The following GPC6 variants were observed in gnomAD, a reference collection of about 807,000 sequenced individuals.
GPC6 encodes the protein glypican 6, also known as glypican-6.
A neutral mutation model predicts 55.2 loss-of-function variants in GPC6; 14 were observed. That is an observed-to-expected ratio of 0.25 (90% CI 0.17 to 0.40). The LOEUF is 0.40. Ranked by LOEUF, GPC6 falls within the 10% of genes least tolerant of loss-of-function variation. The probability of loss-of-function intolerance (pLI) is 1.00; values close to 1 mark genes in which losing one functional copy is unlikely to be tolerated. For synonymous variants in GPC6, 278 were observed against 259.6 expected (o/e 1.07, Z -0.68); for missense variants, 641 against 708.5 (o/e 0.90, Z 1.08).
intron 6 of GPC6, among the ~76,000 whole-genome samples, chr13:94,359,242 A>G (rs1240957054): frequency 2.0e-5 from 3 of 152,218 alleles, no homozygotes; most frequent in African/African-American, 4.8e-5. Flanking sequence ...CCACATAGGA[A>G]ATAATTTGAA....
chr13:93,807,053 A>G (rs1467673558), intron 2 of GPC6, among the ~76,000 whole-genome samples: 2 of 152,216 alleles, frequency 1.3e-5, no homozygotes, highest in Non-Finnish European at 2.9e-5. Context: ...AAATGAAACC[A>G]TAAAACTGAC....
Position 93,340,026 on chromosome 13 carries a change from C to CTTTT in GPC6, c.160+112434_160+112437dup, listed in dbSNP as rs10714044. 1.3e-3 allele frequency among the ~76,000 whole-genome samples: 105 copies of CTTTT among 81,624 alleles called. 4 individuals are homozygous for CTTTT. Among genetic ancestry groups the CTTTT allele is most frequent in the Non-Finnish European group, 1.6e-3 (73 of 46,102 alleles). The allele number at this position is 81,624 out of a possible 152,430, so 53.5% of individuals were successfully genotyped here. A position where few individuals can be genotyped will look rare whatever the true frequency, so the allele number is the denominator to read the frequency against. Reference sequence around the variant, plus strand: ...AAAAACAAAAACAAAAGTTTTCTTTCTTTTTTTTTTTTTTTTTTTTTTTTT... The same window carrying CTTTT: ...AAAAACAAAAACAAAAGTTTTCTTTCTTTTTTTTTTTTTTTTTTTTTTTTTTTTT... On this transcript the variant is annotated intron_variant, in intron 1 of 8. Transcript: ENST00000377047.
chr13:93,928,445 T>C (rs531367534), intron 3 of GPC6, among the ~76,000 whole-genome samples: 1 of 152,276 alleles, frequency 6.6e-6, no homozygotes, highest in South Asian at 2.1e-4. Context: ...AATGGCAACA[T>C]AATACAATAT....
chr13:94,046,738 T>C (rs1475835971), intron 4 of GPC6, among the ~76,000 whole-genome samples: 1 of 152,134 alleles, frequency 6.6e-6, no homozygotes, highest in Non-Finnish European at 1.5e-5. Context: ...TGTCTATATG[T>C]CATTTAAGTT....
intron 2 of GPC6, among the ~76,000 whole-genome samples, chr13:93,704,327 G>T (rs184487667): frequency 4.6e-5 from 7 of 151,884 alleles, no homozygotes; most frequent in Admixed American, 6.6e-5. Context: ...AAATAAGGAA[G>T]AATTAGTTCT....
intron 4 of GPC6, among the ~76,000 whole-genome samples, chr13:94,094,628 G>T (rs1390500879): frequency 1.3e-5 from 2 of 152,036 alleles, no homozygotes; most frequent in Non-Finnish European, 2.9e-5. Context: ...ATTACAGTAA[G>T]ATGTACTTGT....
At chr13:93,664,612 C>T (rs1881055624) in intron 2 of GPC6, among the ~76,000 whole-genome samples, 1 of 115,882 alleles carries the variant, frequency 8.6e-6, no homozygotes, top group African/African-American at 2.6e-5. Context: ...GCACACAAGC[C>T]AATTTTGTTT....
chr13:93,401,435 A>G (rs886889664), intron 1 of GPC6, among the ~76,000 whole-genome samples: 1 of 152,056 alleles, frequency 6.6e-6, no homozygotes, highest in Non-Finnish European at 1.5e-5. Flanking sequence ...GCATTAAACC[A>G]GACATGTCAT....
intron 3 of GPC6, among the ~76,000 whole-genome samples, chr13:93,845,935 C>T (rs150782720): frequency 0.081 from 12,239 of 150,876 alleles, 776 homozygotes; most frequent in African/African-American, 0.17. Flanking sequence ...TATACATATG[C>T]AACTAACCTG....
chr13:94,032,202 A>T (rs980538228), intron 4 of GPC6, among the ~76,000 whole-genome samples: 1 of 152,146 alleles, frequency 6.6e-6, no homozygotes, highest in Non-Finnish European at 1.5e-5. Flanking sequence ...TAATAATTCA[A>T]CTCACTATAT....
chr13:93,677,455 T>C (rs1282496085), intron 2 of GPC6, among the ~76,000 whole-genome samples: 4 of 152,046 alleles, frequency 2.6e-5, no homozygotes, highest in South Asian at 2.1e-4. Flanking sequence ...TTATAGTTTC[T>C]CTTCTAAGTC....
At chr13:93,398,701 A>C (rs1199972401) in intron 1 of GPC6, among the ~76,000 whole-genome samples, 1 of 152,136 alleles carries the variant, frequency 6.6e-6, no homozygotes, top group Non-Finnish European at 1.5e-5. Flanking sequence ...ACTTGACATG[A>C]ATTATCTCAT....
chr13:93,343,371 A>G (rs1880326472), intron 1 of GPC6, among the ~76,000 whole-genome samples: 1 of 152,274 alleles, frequency 6.6e-6, no homozygotes, highest in South Asian at 2.1e-4. Context: ...GCCAGAGACC[A>G]TCGAGCCTGT....
chr13:94,101,385 G>A (rs1245286938), intron 4 of GPC6, among the ~76,000 whole-genome samples: 1 of 152,144 alleles, frequency 6.6e-6, no homozygotes, highest in Non-Finnish European at 1.5e-5. Flanking sequence ...ATCACCACTT[G>A]AACTTATGTC....
At chr13:94,313,656 T>G (rs1429256201) in intron 6 of GPC6, among the ~76,000 whole-genome samples, 13 of 152,218 alleles carry the variant, frequency 8.5e-5, no homozygotes, top group Non-Finnish European at 1.8e-4. Context: ...AATAATGTTA[T>G]GCAACATGTT....
At chr13:93,745,744 A>G (rs1282763602) in intron 2 of GPC6, among the ~76,000 whole-genome samples, 1 of 152,160 alleles carries the variant, frequency 6.6e-6, no homozygotes. Flanking sequence ...TTTTTTGGAT[A>G]TGATGTTTTT....
At chr13:93,922,076 T>C (rs1877603150) in intron 3 of GPC6, among the ~76,000 whole-genome samples, 2 of 151,806 alleles carry the variant, frequency 1.3e-5, no homozygotes, top group South Asian at 4.2e-4. Context: ...ATCAGAGGGA[T>C]CAAGAAAAAG....
intron 4 of GPC6, among the ~76,000 whole-genome samples, chr13:94,047,928 A>G (rs537557631): frequency 6.6e-6 from 1 of 152,116 alleles, no homozygotes; most frequent in East Asian, 1.9e-4. Context: ...TAGTTAATGC[A>G]TTTCTGAAAT....
chr13:94,145,377 C>A (rs1887525940), intron 4 of GPC6, among the ~76,000 whole-genome samples: 1 of 151,992 alleles, frequency 6.6e-6, no homozygotes, highest in Admixed American at 6.6e-5. Flanking sequence ...AGGCCTTTTC[C>A]AATAGGCCAA....
Sources: gnomAD v4.1 joint callset for allele counts (sites outside exome capture counted in the v4.1 genomes callset) on GRCh38, gnomAD v4.1.1 for gene constraint, MANE v1.5 for transcripts, NCBI Gene and HGNC (gene_info 2026-07-23, HGNC 2026-07-21) for gene names.